The following MSRA variants were observed in gnomAD, a reference collection of about 807,000 sequenced individuals.
MSRA encodes the protein methionine sulfoxide reductase A.
In MSRA, 54 loss-of-function variants were observed where a neutral mutation model predicts 31.3. That is an observed-to-expected ratio of 1.73 (90% CI 1.39 to 2.17). MSRA has a LOEUF of 2.17. Ranked by LOEUF, MSRA falls within the 30% of genes most tolerant of loss-of-function variation. MSRA has a pLI of 0.00. For missense variants in MSRA, 507 were observed against 300.9 expected (o/e 1.69, Z -5.07); for synonymous variants, 169 against 116.5 (o/e 1.45, Z -2.90).
chr8:10,378,446 C>G (rs1410093172), intron 5 of MSRA, among the ~76,000 whole-genome samples: 1 of 152,216 alleles, frequency 6.6e-6, no homozygotes, highest in Non-Finnish European at 1.5e-5. Context: ...TTCTCAGTCT[C>G]TGTGAACCAC....
intron 1 of MSRA, among the ~76,000 whole-genome samples, chr8:10,143,730 A>G (rs745908969): frequency 6.6e-6 from 1 of 152,130 alleles, no homozygotes; most frequent in East Asian, 1.9e-4. Context: ...TTCGTTTCCA[A>G]TCACCCTGTG....
chr8:10,245,004 A>C (rs561783694), intron 2 of MSRA, 100 bp from the exon 3 acceptor site: 1 of 1,025,098 alleles, frequency 9.8e-7, no homozygotes, highest in Non-Finnish European at 1.4e-6. Flanking sequence ...GACAGGAGCA[A>C]CTTTTTTTTT....
At chr8:10,237,051 C>G (rs1812004770) in intron 2 of MSRA, among the ~76,000 whole-genome samples, 1 of 152,180 alleles carries the variant, frequency 6.6e-6, no homozygotes, top group African/African-American at 2.4e-5. Flanking sequence ...TATAAGGGCT[C>G]TAGAATAAAA....
chr8:10,146,865 T>C (rs958096301), intron 1 of MSRA, among the ~76,000 whole-genome samples: 1 of 152,178 alleles, frequency 6.6e-6, no homozygotes, highest in Admixed American at 6.5e-5. Flanking sequence ...AAGGGCTTGC[T>C]GAAAGGTTTG....
chr8:10,349,906 C>T (rs1401489312), intron 5 of MSRA, among the ~76,000 whole-genome samples: 1 of 152,352 alleles, frequency 6.6e-6, no homozygotes, highest in East Asian at 1.9e-4. Flanking sequence ...CTTCCCCTGT[C>T]ACCCCCTTTT....
At chr8:10,330,843 C>T (rs1802653615) in intron 5 of MSRA, among the ~76,000 whole-genome samples, 1 of 152,036 alleles carries the variant, frequency 6.6e-6, no homozygotes, top group Non-Finnish European at 1.5e-5. Context: ...GTTTTGTTGC[C>T]CCTTGTTATG....
intron 5 of MSRA, among the ~76,000 whole-genome samples, chr8:10,373,289 G>C (rs749108663): frequency 3.3e-5 from 5 of 152,262 alleles, no homozygotes; most frequent in Admixed American, 2.0e-4. Context: ...AGTCAACCAA[G>C]GACTGAAAGA....
In MSRA at chr8:10,148,554, G is replaced by A. The variant is rs1256560776; in HGVS notation, c.143-59279G>A. Reference sequence around the variant, plus strand: ...TCCAGCCGCTTGGGAGTCTGAGGCAGGAGAATCTCTTGAACCTGGGAGGCA... The same window carrying A: ...TCCAGCCGCTTGGGAGTCTGAGGCAAGAGAATCTCTTGAACCTGGGAGGCA... On this transcript the variant is annotated intron_variant, in intron 1 of 5. Coordinates refer to ENST00000317173, the MANE Select transcript of MSRA (RefSeq NM_012331.5). Among the ~76,000 whole-genome samples, 3 of 152,012 alleles carry A rather than the reference G, an allele frequency of 2.0e-5. No individual in the cohort carries two copies. The East Asian group carries it at 5.8e-4, about 29-fold the overall frequency.
At chr8:10,333,432 T>G (rs1802824003) in intron 5 of MSRA, among the ~76,000 whole-genome samples, 1 of 152,206 alleles carries the variant, frequency 6.6e-6, no homozygotes, top group Non-Finnish European at 1.5e-5. Flanking sequence ...ACAGCTGCAT[T>G]CCTTGCAGAG....
chr8:10,332,451 T>TTCCC (rs1554529516), intron 5 of MSRA, among the ~76,000 whole-genome samples: 16 of 146,618 alleles, frequency 1.1e-4, no homozygotes, highest in African/African-American at 3.8e-4. Flanking sequence ...AAAAGAAAAA[T>TTCCC]CCCCCCTCCC....
At chr8:10,330,894 C>G (rs374285575) in intron 5 of MSRA, among the ~76,000 whole-genome samples, 1 of 152,178 alleles carries the variant, frequency 6.6e-6, no homozygotes, top group Non-Finnish European at 1.5e-5. Flanking sequence ...ATGTTGAAGC[C>G]TCTACCCCCA....
chr8:10,130,257 G>C (rs1167497995), intron 1 of MSRA, among the ~76,000 whole-genome samples: 1 of 152,150 alleles, frequency 6.6e-6, no homozygotes, highest in Non-Finnish European at 1.5e-5. Context: ...CAGCAACTTT[G>C]TGAATTAGAG....
chr8:10,095,889 G>T, intron 1 of MSRA: 1 of 1,291,928 alleles, frequency 7.7e-7, no homozygotes, highest in South Asian at 3.0e-5. Context: ...TTGCATGTAT[G>T]ATTATACCAT....
chr8:10,294,365 T>C (rs944697418), intron 3 of MSRA, among the ~76,000 whole-genome samples: 40 of 152,336 alleles, frequency 2.6e-4, no homozygotes, highest in African/African-American at 8.9e-4. Context: ...ATTCTGCCTG[T>C]GCTGGGCCAG....
At chr8:10,067,816 GGT>G (rs934868733) in intron 1 of MSRA, among the ~76,000 whole-genome samples, 2 of 147,190 alleles carry the variant, frequency 1.4e-5, no homozygotes, top group Non-Finnish European at 3.0e-5. Context: ...TGTTTTCTTT[GGT>G]GATGTGTCTG....
chr8:10,113,045 G>C (rs757591215), intron 1 of MSRA, among the ~76,000 whole-genome samples: 5 of 152,070 alleles, frequency 3.3e-5, no homozygotes, highest in Non-Finnish European at 7.4e-5. Context: ...TCTGTCTGCA[G>C]CTCCATCACC....
chr8:10,210,078 G>T (rs1358121875), intron 2 of MSRA, among the ~76,000 whole-genome samples: 3 of 152,104 alleles, frequency 2.0e-5, no homozygotes, highest in Non-Finnish European at 2.9e-5. Flanking sequence ...GGGATTTGGG[G>T]GGTTTTGAGG....
At chr8:10,304,137 A>G (rs948972649) in intron 4 of MSRA, among the ~76,000 whole-genome samples, 2 of 152,142 alleles carry the variant, frequency 1.3e-5, no homozygotes, top group African/African-American at 4.8e-5. Context: ...GGGTTTCACC[A>G]TGTTGGCCAG....
chr8:10,235,706 G>T (rs1488076775), intron 2 of MSRA, among the ~76,000 whole-genome samples: 1 of 152,054 alleles, frequency 6.6e-6, no homozygotes, highest in Non-Finnish European at 1.5e-5. Context: ...CAAAGTCCAG[G>T]TGCTTCAGGA....
Sources: gnomAD v4.1 joint callset for allele counts (sites outside exome capture counted in the v4.1 genomes callset) on GRCh38, gnomAD v4.1.1 for gene constraint, MANE v1.5 for transcripts, NCBI Gene and HGNC (gene_info 2026-07-23, HGNC 2026-07-21) for gene names.